Variants in FYCO1 observed in about 807,000 individuals in gnomAD.
FYCO1 encodes FYVE and coiled-coil domain autophagy adaptor 1, also known as FYVE and coiled-coil domain-containing protein 1.
A neutral mutation model predicts 165.1 loss-of-function variants in FYCO1; 122 were observed. That is an observed-to-expected ratio of 0.74 (90% CI 0.64 to 0.86). The LOEUF (loss-of-function observed/expected upper bound fraction) is 0.86. FYCO1 is among the 40% of genes least tolerant of loss of function. The pLI is 0.00. For missense variants in FYCO1, 1,702 were observed against 1,810.3 expected, an observed-to-expected ratio of 0.94 and a Z score of 1.09; for synonymous variants, 648 against 742.5, an observed-to-expected ratio of 0.87 and a Z score of 2.07.
chr3:45,922,810 G>A (rs1204424615), intron 17 of FYCO1, among the ~76,000 whole-genome samples: 1 of 152,216 alleles, frequency 6.6e-6, no homozygotes, highest in African/African-American at 2.4e-5. Flanking sequence ...ATTCTGCTAA[G>A]AGCCAAGTAC....
chr3:45,959,559 T>C lies in FYCO1; in HGVS notation c.3438-17A>G, dbSNP rs763556315. On this transcript the variant is annotated splice_polypyrimidine_tract_variant and intron_variant, in intron 11 of 17. Transcript: ENST00000296137. ...TCCTTGTCCCTGGGACAAAACCACA[T>C]TGGAAGAAAAGGAGAGAGAATCCAT... is the stretch of plus-strand genomic sequence containing the variant. The C allele has an allele frequency of 1.9e-6, 3 of 1,613,000 alleles. No homozygotes were observed. The highest frequency in any genetic ancestry group is 1.7e-4 in the Middle Eastern group (1 of 6,060).
chr3:45,969,574 G>A, intron 7 of FYCO1, 101 bp downstream of exon 7: 2 of 898,806 alleles, frequency 2.2e-6, no homozygotes, highest in Non-Finnish European at 3.6e-6. Flanking sequence ...GCTCTGGCTG[G>A]AACAACGGGC....
intron 17 of FYCO1, among the ~76,000 whole-genome samples, chr3:45,922,073 G>C (rs142696310): frequency 7.9e-5 from 12 of 152,352 alleles, no homozygotes; most frequent in Admixed American, 7.8e-4. Context: ...ATGCCCTTTT[G>C]ATCACAGGCT....
At chr3:45,958,329 G>T in intron 13 of FYCO1, 79 bp downstream of exon 13, 1 of 1,275,020 alleles carries the variant, frequency 7.8e-7, no homozygotes, top group Non-Finnish European at 1.1e-6. Flanking sequence ...CAGCTTATTA[G>T]CACTAACTAG....
At chr3:45,954,096 G>A (rs980376351) in intron 14 of FYCO1, among the ~76,000 whole-genome samples, 3 of 152,146 alleles carry the variant, frequency 2.0e-5, no homozygotes, top group African/African-American at 7.2e-5. Flanking sequence ...TCCCTTCCTG[G>A]AACACCTTCC....
In FYCO1 at chr3:45,967,632, C is replaced by T. The variant is rs747868048; in HGVS notation, c.1702G>A (p.Gly568Ser). 2 of 1,613,962 alleles carry T rather than the reference C, an allele frequency of 1.2e-6. No homozygotes were observed. The highest frequency in any genetic ancestry group is 2.2e-5 in the South Asian group (2 of 91,090). ...GPPGPELPVAGEKNEALVPVN... is the reference protein window; with the variant it reads ...GPPGPELPVASEKNEALVPVN... Reference sequence around the variant, plus strand: ...GGGACCAGGGCCTCATTCTTCTCACCTGCCACTGGCAGTTCTGGGCCAGGC... The same window carrying T: ...GGGACCAGGGCCTCATTCTTCTCACTTGCCACTGGCAGTTCTGGGCCAGGC... The change falls in exon 8 of 18, where the codon GGT becomes AGT. Residue 568 changes from glycine (G) to serine (S), a missense_variant. Coordinates refer to ENST00000296137, the MANE Select transcript of FYCO1 (RefSeq NM_024513.4).
chr3:45,955,273 G>A lies in FYCO1; in HGVS notation c.3920C>T (p.Ser1307Phe). 5 of 1,614,140 alleles carry A rather than the reference G, an allele frequency of 3.1e-6. No homozygotes were observed. The highest frequency in any genetic ancestry group is 4.2e-6 in the Non-Finnish European group (5 of 1,180,040). The change falls in exon 14 of 18, where the codon TCT becomes TTT. Residue 1307 changes from serine (S) to phenylalanine (F), a missense_variant. Physicochemically the swap from Ser to Phe is radical, Grantham distance 155 (BLOSUM62 -2). Transcript: ENST00000296137. The part of the protein sequence containing the change: ...SLPETPTETD[S>F]LDPNAAEQDT... ...CTGTTCAGCCGCATTTGGGTCGAGA[G>A]AATCAGTTTCAGTGGGTGTTTCAGG...
chr3:45,958,736 C>T (rs1705512069), intron 12 of FYCO1, 117 bp from the exon 13 acceptor site: 3 of 961,364 alleles, frequency 3.1e-6, no homozygotes, highest in Non-Finnish European at 1.7e-6. Context: ...TGGCTCTGCC[C>T]CCAAGTTAGG....
chr3:45,921,605 G>A lies in FYCO1; in HGVS notation c.*160C>T, dbSNP rs1575321477. On this transcript the variant is annotated 3_prime_UTR_variant, in exon 18 of 18. Transcript: ENST00000296137. ...GGGCTAAGAGTGGCCGGTGCAGAGT[G>A]CTGAGCACAAAGTCCTCCCCAGACA... 2 of 674,222 alleles carry A rather than the reference G, an allele frequency of 3.0e-6. No individual in the cohort carries two copies. The highest frequency in any genetic ancestry group is 3.1e-5 in the South Asian group (2 of 63,612). 41.8% of individuals were successfully genotyped at this position (674,222 alleles called of 1,614,324 possible).
At position 45,969,715 on chromosome 3, in the gene FYCO1, C is replaced by G. The variant is rs376883388; in HGVS notation, c.590G>C (p.Arg197Pro). 6.2e-7 allele frequency: 1 copy of G among 1,613,910 alleles called. No individual in the cohort carries two copies. Among genetic ancestry groups the G allele is most frequent in the African/African-American group, 1.3e-5 (1 of 74,920 alleles). Reference protein sequence around the residue: ...SSAYLWKPPSRSSSMSSLVSS... With the variant: ...SSAYLWKPPSPSSSMSSLVSS... Reference sequence around the variant, plus strand: ...CACCAAGCTGCTCATGCTGGAGCTGCGGCTAGGGGGTTTCCACAGGTAAGC... The same window carrying G: ...CACCAAGCTGCTCATGCTGGAGCTGGGGCTAGGGGGTTTCCACAGGTAAGC... Residue 197 changes from arginine (R) to proline (P), a missense_variant, in exon 7 of 18, where the codon CGC becomes CCC. By Grantham distance (103) the Arg-to-Pro change is moderately radical. Transcript: ENST00000296137.
At chr3:45,947,430 C>A in intron 14 of FYCO1, 2 of 1,614,170 alleles carry the variant, frequency 1.2e-6, no homozygotes, top group East Asian at 4.5e-5. Context: ...GGTCTCACAT[C>A]AATGGAAATC....
chr3:45,947,045 C>T (rs756968186), intron 14 of FYCO1: 5 of 1,614,102 alleles, frequency 3.1e-6, no homozygotes, highest in Non-Finnish European at 3.4e-6. Context: ...AGGCAATTTC[C>T]ACTGTGGTTC....
chr3:45,975,171 A>G (rs1706679337), intron 5 of FYCO1, 68 bp downstream of exon 5: 1 of 1,022,868 alleles, frequency 9.8e-7, no homozygotes, highest in Non-Finnish European at 1.6e-6. Context: ...AGCTGTCATT[A>G]TTATTAATGA....
At chr3:45,995,188 T>G (rs1473186188) in intron 1 of FYCO1, among the ~76,000 whole-genome samples, 1 of 151,886 alleles carries the variant, frequency 6.6e-6, no homozygotes, top group Non-Finnish European at 1.5e-5. Flanking sequence ...GGGCAGTGGA[T>G]AGTGAATAGG....
chr3:45,968,650 T>A lies in FYCO1; in HGVS notation c.684A>T (p.Ala228=), dbSNP rs1706251075. Residue 228 remains alanine, a synonymous_variant, in exon 8 of 18, where the codon GCA becomes GCT. Coordinates refer to ENST00000296137, the MANE Select transcript of FYCO1 (RefSeq NM_024513.4). Reference sequence around the variant, plus strand: ...GTCGCATCTCATCAAAGCCCTCCAATGCCTCGTTGTTTAGGGGGCTGTTCA... The same window carrying A: ...GTCGCATCTCATCAAAGCCCTCCAAAGCCTCGTTGTTTAGGGGGCTGTTCA... ...FDLNSPLNNE[A]LEGFDEMRLE... is the part of the protein sequence containing the mutation. The A allele has an allele frequency of 1.9e-6, 3 of 1,614,078 alleles. No homozygotes were observed. Among genetic ancestry groups the A allele is most frequent in the African/African-American group, 1.3e-5 (1 of 74,928 alleles).
intron 1 of FYCO1, among the ~76,000 whole-genome samples, chr3:45,991,696 ACC>A (rs1707568999): frequency 6.6e-6 from 1 of 152,088 alleles, no homozygotes; most frequent in South Asian, 2.1e-4. Context: ...AGCCTCCTTC[ACC>A]CCATCCTGGA....
intron 16 of FYCO1, among the ~76,000 whole-genome samples, chr3:45,929,313 C>T (rs1268690696): frequency 1.3e-5 from 2 of 152,132 alleles, no homozygotes; most frequent in African/African-American, 2.4e-5. Context: ...TCCCCAAGTT[C>T]CTGATTCCTG....
Position 45,984,862 on chromosome 3 carries a change from A to G in FYCO1, c.49T>C (p.Leu17=). 6.2e-7 allele frequency: 1 copy of G among 1,614,204 alleles called. No homozygotes were observed. The highest frequency in any genetic ancestry group is 8.5e-7 in the Non-Finnish European group (1 of 1,180,038). Residue 17 remains leucine (L), a synonymous_variant, in exon 2 of 18, where the codon TTG becomes CTG. Coordinates refer to ENST00000296137, the MANE Select transcript of FYCO1 (RefSeq NM_024513.4). ...ESQLQRIIRD[L]QDAVTELSKE... is the part of the protein sequence containing the mutation. ...GCCCAGCAACCTACCATACCTTGCA[A>G]GTCTCGGATGATTCTCTGGAGCTGG... is the stretch of plus-strand genomic sequence containing the variant.
Position 45,967,338 on chromosome 3 carries a change from C to T in FYCO1, c.1996G>A (p.Glu666Lys), listed in dbSNP as rs373761561. ...CCCAAGTGCCGGATGCTGGCCTGCT[C>T]GGCCTCCAGGGAGGCCAAGGAGCCC... ...IQGSLASLEAEQASIRHLGDQ... is the reference protein window; with the variant it reads ...IQGSLASLEAKQASIRHLGDQ... Residue 666 changes from glutamate (E) to lysine (K), a missense_variant, in exon 8 of 18, where the codon GAG (glutamate) becomes AAG (lysine). Physicochemically the swap from Glu to Lys is moderately conservative, Grantham distance 56. Coordinates refer to ENST00000296137, the MANE Select transcript of FYCO1 (RefSeq NM_024513.4). The T allele has an allele frequency of 3.7e-5, 60 of 1,610,108 alleles. No homozygotes were observed. Among genetic ancestry groups the T allele is most frequent in the Admixed American group, 1.8e-4 (11 of 59,958 alleles).
Sources: gnomAD v4.1 joint callset for allele counts (sites outside exome capture counted in the v4.1 genomes callset) on GRCh38, gnomAD v4.1.1 for gene constraint, MANE v1.5 for transcripts, NCBI Gene and HGNC (gene_info 2026-07-23, HGNC 2026-07-21) for gene names.